SEMA3D: variants seen among roughly 807,000 people sequenced by gnomAD.
SEMA3D encodes the protein semaphorin 3D, also known as semaphorin-3D.
In SEMA3D, 84 loss-of-function variants were observed where a neutral mutation model predicts 100.1. The ratio of observed to expected loss-of-function variants is 0.84; its 90% CI spans 0.70 to 1.01. The LOEUF (loss-of-function observed/expected upper bound fraction) is 1.01. Ranked by LOEUF, SEMA3D falls within the 50% of genes least tolerant of loss-of-function variation. The pLI is 0.00. For missense variants in SEMA3D, 875 were observed against 934.1 expected (o/e 0.94, Z 0.82); for synonymous variants, 312 against 320.7 (o/e 0.97, Z 0.29).
intron 1 of SEMA3D, among the ~76,000 whole-genome samples, chr7:85,168,854 AAAGAAAGAAAG>A (rs1583985756): frequency 9.4e-6 from 1 of 105,878 alleles, no homozygotes; most frequent in Non-Finnish European, 2.0e-5. Flanking sequence ...AGAAAGAAAG[AAAGAAAGAAAG>A]AAAGAAAGAA....
At chr7:85,056,932 A>G (rs1043483700) in intron 8 of SEMA3D, among the ~76,000 whole-genome samples, 7 of 140,094 alleles carry the variant, frequency 5.0e-5, no homozygotes, top group African/African-American at 1.8e-4. Flanking sequence ...ATTTAGCATC[A>G]GGCAAAGGCT....
rs561471000 is a variant in SEMA3D, at chr7:84,999,100, A to G, written c.*340T>C. ...ATGCTTAATGGACATTCGAGGGAAT[A>G]AAGCACCTTATACACTATCAAATTC... On this transcript the variant is annotated 3_prime_UTR_variant, in exon 19 of 19. Coordinates refer to ENST00000284136, the MANE Select transcript of SEMA3D (RefSeq NM_001384900.1). 6.2e-5 allele frequency: 16 copies of G among 256,576 alleles called. No individual in the cohort carries two copies. Among genetic ancestry groups the G allele is most frequent in the Non-Finnish European group, 1.0e-4 (14 of 134,310 alleles). The allele number at this position is 256,576 out of a possible 1,614,324, so 15.9% of individuals were successfully genotyped here. A position where few individuals can be genotyped will look rare whatever the true frequency, so the allele number is the denominator to read the frequency against.
At chr7:85,107,020 A>C (rs1033693500) in intron 3 of SEMA3D, among the ~76,000 whole-genome samples, 2 of 152,038 alleles carry the variant, frequency 1.3e-5, no homozygotes, top group African/African-American at 4.8e-5. Context: ...TATTTCCAAG[A>C]CTTTGAATGT....
At chr7:85,098,237 G>A (rs893733234) in intron 3 of SEMA3D, among the ~76,000 whole-genome samples, 4 of 151,548 alleles carry the variant, frequency 2.6e-5, no homozygotes, top group East Asian at 1.9e-4. Context: ...AGTTTTCAAC[G>A]TAATTATTTA....
the SEMA3D span, among the ~76,000 whole-genome samples, chr7:85,195,284 C>T: frequency 6.6e-6 from 1 of 152,058 alleles, no homozygotes; most frequent in East Asian, 1.9e-4. Flanking sequence ...TGCTTCTGGG[C>T]CTCTGTAGCT....
At chr7:85,007,540 T>A (rs188440867) in intron 17 of SEMA3D, among the ~76,000 whole-genome samples, 1 of 151,834 alleles carries the variant, frequency 6.6e-6, no homozygotes, top group African/African-American at 2.4e-5. Context: ...TACTGAGGGA[T>A]TTTTTAAACC....
At position 85,015,231 on chromosome 7, in the gene SEMA3D, A is replaced by G. The variant is rs753821424; in HGVS notation, c.1546-15T>C. Reference sequence around the variant, plus strand: ...TACAATTGTTGCTGCAAATCGGGCAAAACAAATGAATTAGAAGCATCTTTC... The same window carrying G: ...TACAATTGTTGCTGCAAATCGGGCAGAACAAATGAATTAGAAGCATCTTTC... On this transcript the variant is annotated splice_polypyrimidine_tract_variant and intron_variant, in intron 15 of 18. Transcript: ENST00000284136. 2.5e-6 allele frequency: 4 copies of G among 1,600,586 alleles called. No individual in the cohort carries two copies. The South Asian group carries it at 4.4e-5, about 18-fold the overall frequency.
At chr7:85,133,241 A>G (rs1298374376) in intron 2 of SEMA3D, among the ~76,000 whole-genome samples, 2 of 152,038 alleles carry the variant, frequency 1.3e-5, no homozygotes, top group East Asian at 3.9e-4. Flanking sequence ...TCAACATAGT[A>G]GTATCAGTTT....
intron 8 of SEMA3D, among the ~76,000 whole-genome samples, chr7:85,059,085 A>G (rs1791405205): frequency 6.6e-6 from 1 of 152,188 alleles, no homozygotes; most frequent in Admixed American, 6.5e-5. Context: ...GCTCCCACAA[A>G]CACAGACCAG....
chr7:85,249,111 A>C, the SEMA3D span, among the ~76,000 whole-genome samples: 2 of 152,178 alleles, frequency 1.3e-5, no homozygotes, highest in African/African-American at 2.4e-5. Context: ...TCTTCCTCTC[A>C]ACTTTGCTGT....
chr7:85,147,744 C>G (rs183458949), intron 2 of SEMA3D, among the ~76,000 whole-genome samples: 2 of 152,176 alleles, frequency 1.3e-5, no homozygotes, highest in East Asian at 3.9e-4. Context: ...ACCTATATAT[C>G]TGCTAATTTA....
At chr7:85,064,261 A>G (rs1426001276) in intron 8 of SEMA3D, among the ~76,000 whole-genome samples, 4 of 152,188 alleles carry the variant, frequency 2.6e-5, no homozygotes, top group African/African-American at 9.7e-5. Flanking sequence ...AAGCTATTCT[A>G]TAGGTGACAT....
At chr7:85,012,128 A>G (rs1488687381) in intron 17 of SEMA3D, among the ~76,000 whole-genome samples, 2 of 151,582 alleles carry the variant, frequency 1.3e-5, no homozygotes, top group African/African-American at 2.4e-5. Context: ...CCTTCTTTCA[A>G]GATCTTCTAT....
chr7:85,220,152 C>A, the SEMA3D span, among the ~76,000 whole-genome samples: 2 of 152,082 alleles, frequency 1.3e-5, no homozygotes, highest in South Asian at 4.1e-4. Flanking sequence ...TATTCAAATA[C>A]AACTGGTATT....
chr7:85,121,834 G>A lies in SEMA3D; in HGVS notation c.58C>T (p.Pro20Ser). 1.9e-6 allele frequency: 3 copies of A among 1,607,658 alleles called. No individual in the cohort carries two copies. The highest frequency in any genetic ancestry group is 2.5e-6 in the Non-Finnish European group (3 of 1,176,658). Residue 20 changes from proline to serine, a missense_variant, in exon 3 of 19, where the codon CCT becomes TCT. Transcript: ENST00000284136. ...KARSQDFHLFPALMMLSMTML... is the reference protein window; with the variant it reads ...KARSQDFHLFSALMMLSMTML... The stretch of plus-strand genomic sequence containing the variant: ...GTCATGCTTAGCATCATCAAAGCAG[G>A]AAAAAGGTGAAAATCTTGGCTTCTG...
At chr7:85,220,870 GC>G in the SEMA3D span, among the ~76,000 whole-genome samples, 1 of 152,112 alleles carries the variant, frequency 6.6e-6, no homozygotes, top group Admixed American at 6.6e-5. Flanking sequence ...GAGGGGCCTG[GC>G]CTGGGCCCAA....
the SEMA3D span, among the ~76,000 whole-genome samples, chr7:85,247,641 C>G: frequency 6.6e-6 from 1 of 152,176 alleles, no homozygotes; most frequent in Non-Finnish European, 1.5e-5. Context: ...TACCTGACTT[C>G]CAGACTTCTT....
At chr7:85,090,506 A>G (rs1160536157) in intron 4 of SEMA3D, among the ~76,000 whole-genome samples, 1 of 152,202 alleles carries the variant, frequency 6.6e-6, no homozygotes. Flanking sequence ...ATGCTTTCCA[A>G]GTATTTCTAT....
At chr7:85,200,120 C>A in the SEMA3D span, among the ~76,000 whole-genome samples, 9 of 152,270 alleles carry the variant, frequency 5.9e-5, no homozygotes, top group Admixed American at 3.9e-4. Flanking sequence ...TCTTTATCAG[C>A]AGCATGGAAG....
Sources: gnomAD v4.1 joint callset for allele counts (sites outside exome capture counted in the v4.1 genomes callset) on GRCh38, gnomAD v4.1.1 for gene constraint, MANE v1.5 for transcripts, NCBI Gene and HGNC (gene_info 2026-07-23, HGNC 2026-07-21) for gene names.